Variants in ZNF718 observed in about 807,000 individuals in gnomAD.
ZNF718 encodes zinc finger protein 718.
ZNF718 carries 3 observed loss-of-function variants against 2.6 expected under a neutral mutation model. The ratio of observed to expected loss-of-function variants is 1.16; its 90% CI spans 0.53 to 3.01. ZNF718 has a LOEUF of 3.01. Ranked by LOEUF, ZNF718 falls within the 30% of genes most tolerant of loss-of-function variation. The pLI, the probability that ZNF718 is intolerant of heterozygous loss-of-function variation, is 0.03. For synonymous variants in ZNF718, 135 were observed against 77.9 expected, an observed-to-expected ratio of 1.73 and a Z score of -3.86; for missense variants, 468 against 230.0, an observed-to-expected ratio of 2.03 and a Z score of -6.69.
At chr4:160,671 T>C (rs1716782848) in intron 3 of ZNF718, among the ~76,000 whole-genome samples, 1 of 152,184 alleles carries the variant, frequency 6.6e-6, no homozygotes. Context: ...TGCCTCAGCC[T>C]CCCAAGTAGC....
chr4:171,697 G>A (rs547187043), intron 3 of ZNF718, among the ~76,000 whole-genome samples: 45 of 152,296 alleles, frequency 3.0e-4, no homozygotes, highest in African/African-American at 7.2e-4. Context: ...TTGGAAAAGC[G>A]TAGTATTAGG....
At chr4:189,928 C>A (rs78526451) in intron 3 of ZNF718, among the ~76,000 whole-genome samples, 277 of 152,162 alleles carry the variant, frequency 1.8e-3, no homozygotes, top group Non-Finnish European at 2.9e-3. Flanking sequence ...AAATATTAAG[C>A]CAACACTGCA....
rs1258303094 is a variant in ZNF718, at chr4:133,195, A to AAAATAT, written c.226+1691_226+1692insAATATA. Among the ~76,000 whole-genome samples the AAAATAT allele has an allele frequency of 1.5e-3, 31 of 20,766 alleles. 1 individual carries two copies. The highest frequency in any genetic ancestry group is 2.3e-3 in the Non-Finnish European group (26 of 11,364). 13.6% of individuals were successfully genotyped at this position (20,766 alleles called of 152,430 possible). A position where few individuals can be genotyped will look rare whatever the true frequency, so the allele number is the denominator to read the frequency against. ...TCCATCTTAAAAAAAAAAAAAAAAA[A>AAAATAT]ATATATATATATATATATATATATA... is the stretch of plus-strand genomic sequence containing the variant. On this transcript the variant is annotated intron_variant, in intron 3 of 3. Coordinates refer to ENST00000510175, the MANE Select transcript of ZNF718 (RefSeq NM_001039127.6).
intron 3 of ZNF718, among the ~76,000 whole-genome samples, chr4:157,032 T>C (rs1716596365): frequency 6.6e-6 from 1 of 152,056 alleles, no homozygotes; most frequent in Non-Finnish European, 1.5e-5. Flanking sequence ...TGTATGTGTT[T>C]TGAAATCAGG....
intron 1 of ZNF718, among the ~76,000 whole-genome samples, chr4:126,498 G>A (rs781817673): frequency 6.6e-6 from 1 of 152,244 alleles, no homozygotes; most frequent in African/African-American, 2.4e-5. Context: ...GTTTCTGTAG[G>A]AGGGTGGGAG....
rs1275929859 is a variant in ZNF718 at position 161,172 on chromosome 4, A to G, written c.487A>G (p.Ile163Val). 7.8e-6 allele frequency: 6 copies of G among 766,160 alleles called. 1 individual carries two copies. In the African/African-American group the frequency reaches 8.6e-5, roughly 11 times the overall value. 47.5% of individuals were successfully genotyped at this position (766,160 alleles called of 1,614,324 possible). ...ATTTTCAAATTCAAACAAAGATAAG[A>G]TAAGATATACTGGAGATAAAACCTT... ...HKFSNSNKDK[I>V]RYTGDKTFKC... The change falls in exon 4 of 4, where the codon ATA becomes GTA. Residue 163 changes from isoleucine (I) to valine (V), a missense_variant. Ile to Val is a conservative substitution (Grantham distance 29, BLOSUM62 3). Transcript: ENST00000510175.
downstream of ZNF718, among the ~76,000 whole-genome samples, chr4:167,274 C>A (rs111612172): frequency 6.6e-6 from 1 of 152,042 alleles, no homozygotes; most frequent in African/African-American, 2.4e-5. Flanking sequence ...TAGTTCGAAG[C>A]CAGGTAGTAT....
intron 3 of ZNF718, among the ~76,000 whole-genome samples, chr4:190,546 A>T (rs1302262295): frequency 2.6e-5 from 4 of 152,286 alleles, no homozygotes; most frequent in African/African-American, 9.6e-5. Flanking sequence ...GAAAAAGTCA[A>T]ATATAAAGTA....
At position 162,007 on chromosome 4, in the gene ZNF718, A is replaced by T. The variant is rs1474742292; in HGVS notation, c.1322A>T (p.His441Leu). The T allele has an allele frequency of 1.3e-6, 1 of 779,200 alleles. No homozygotes were observed. Among genetic ancestry groups the T allele is most frequent in the South Asian group, 1.3e-5 (1 of 74,436 alleles). The allele number at this position is 779,200 out of a possible 1,614,324, so 48.3% of individuals were successfully genotyped here. The change falls in exon 4 of 4, where the codon CAT (histidine) becomes CTT (leucine). Residue 441 changes from histidine (H) to leucine (L), a missense_variant. Transcript: ENST00000510175. ...AAACAGTCCTCACACTTGAATAAAC[A>T]TAAGAAAATTCACACTGTAGATAAA... is the stretch of plus-strand genomic sequence containing the variant. ...AFKQSSHLNK[H>L]KKIHTVDKPY...
chr4:168,330 G>T (rs889096954), downstream of ZNF718, among the ~76,000 whole-genome samples: 2 of 152,106 alleles, frequency 1.3e-5, no homozygotes, highest in Admixed American at 6.6e-5. Context: ...TTGTGTCTCT[G>T]CCAGGCTTTG....
At chr4:143,299 C>G (rs1715895666) in intron 3 of ZNF718, among the ~76,000 whole-genome samples, 1 of 152,204 alleles carries the variant, frequency 6.6e-6, no homozygotes, top group Non-Finnish European at 1.5e-5. Context: ...TCAAGCAATT[C>G]TTTGCCTCAG....
chr4:191,801 G>A (rs557988385), intron 3 of ZNF718, among the ~76,000 whole-genome samples: 3 of 152,252 alleles, frequency 2.0e-5, no homozygotes, highest in South Asian at 4.2e-4. Context: ...TCCCAAGATG[G>A]TGGCAGGCTG....
chr4:180,375 A>T (rs574921004), intron 3 of ZNF718, among the ~76,000 whole-genome samples: 1 of 152,362 alleles, frequency 6.6e-6, no homozygotes, highest in African/African-American at 2.4e-5. Flanking sequence ...TCAGTCTAGA[A>T]AAGAATCCTT....
At chr4:159,847 T>C (rs1249639324) in intron 3 of ZNF718, among the ~76,000 whole-genome samples, 2 of 152,186 alleles carry the variant, frequency 1.3e-5, no homozygotes, top group Non-Finnish European at 2.9e-5. Context: ...CATTGTAATA[T>C]TGTTATTTGA....
At chr4:124,898 G>A (rs1553807657) in intron 1 of ZNF718, 3 of 517,806 alleles carry the variant, frequency 5.8e-6, no homozygotes, top group Non-Finnish European at 6.8e-6. Context: ...CACTTTCCCC[G>A]GGCTGTGGAG....
intron 3 of ZNF718, among the ~76,000 whole-genome samples, chr4:154,296 C>G (rs1225259207): frequency 6.6e-6 from 1 of 152,040 alleles, no homozygotes; most frequent in Non-Finnish European, 1.5e-5. Flanking sequence ...TAAATTGGTA[C>G]CAGTAGAGTT....
chr4:201,515 T>G (rs980543282), intron 4 of ZNF718: 1 of 154,208 alleles, frequency 6.5e-6, no homozygotes, highest in Non-Finnish European at 1.5e-5. Flanking sequence ...CAGTGAAAAG[T>G]GCTCCTTCCT....
At chr4:149,032 C>T (rs894452045) in intron 3 of ZNF718, among the ~76,000 whole-genome samples, 1 of 152,170 alleles carries the variant, frequency 6.6e-6, no homozygotes, top group Non-Finnish European at 1.5e-5. Flanking sequence ...TCTAAGTTTT[C>T]ATAAAGGTTC....
intron 3 of ZNF718, among the ~76,000 whole-genome samples, chr4:192,827 G>C (rs1717719427): frequency 6.6e-6 from 1 of 152,172 alleles, no homozygotes; most frequent in South Asian, 2.1e-4. Context: ...GGGGGTTAAA[G>C]ATACAGAGAT....
Sources: gnomAD v4.1 joint callset for allele counts (sites outside exome capture counted in the v4.1 genomes callset) on GRCh38, gnomAD v4.1.1 for gene constraint, MANE v1.5 for transcripts, NCBI Gene and HGNC (gene_info 2026-07-23, HGNC 2026-07-21) for gene names.